Variants in MIPOL1 observed in about 807,000 individuals in gnomAD.
MIPOL1 encodes mirror-image polydactyly gene 1 protein.
In MIPOL1, 57 loss-of-function variants were observed where a neutral mutation model predicts 60.9. The observed-to-expected ratio is 0.94, with a 90% CI of 0.76 to 1.17. MIPOL1 has a LOEUF of 1.17. Among genes scored for constraint, MIPOL1 ranks in the 50% most tolerant of loss-of-function variants. The pLI is 0.00. For missense variants in MIPOL1, 551 were observed against 511.6 expected (o/e 1.08, Z -0.74); for synonymous variants, 179 against 168.8 (o/e 1.06, Z -0.47).
At chr14:37,290,955 CAT>C (rs1364838785) in intron 7 of MIPOL1, among the ~76,000 whole-genome samples, 29 of 152,236 alleles carry the variant, frequency 1.9e-4, no homozygotes, top group African/African-American at 1.9e-4. Context: ...TGAGTGATAA[CAT>C]GTGGTATTTA....
At chr14:37,267,858 T>C (rs189248854) in intron 4 of MIPOL1, among the ~76,000 whole-genome samples, 263 of 152,258 alleles carry the variant, frequency 1.7e-3, no homozygotes, top group Non-Finnish European at 3.2e-3. Flanking sequence ...TTGGTTTGGG[T>C]TAGCGCTATT....
chr14:37,379,924 T>C (rs928523541), intron 10 of MIPOL1, among the ~76,000 whole-genome samples: 1 of 152,114 alleles, frequency 6.6e-6, no homozygotes, highest in African/African-American at 2.4e-5. Flanking sequence ...AACCATTCTC[T>C]TTCTATAAGA....
intron 1 of MIPOL1, among the ~76,000 whole-genome samples, chr14:37,245,263 A>G (rs1004591440): frequency 6.6e-6 from 1 of 152,176 alleles, no homozygotes; most frequent in East Asian, 1.9e-4. Context: ...AAAATTCTCT[A>G]TTAGAACTTT....
At chr14:37,404,768 T>G (rs1199263143) in intron 10 of MIPOL1, among the ~76,000 whole-genome samples, 1 of 152,182 alleles carries the variant, frequency 6.6e-6, no homozygotes, top group Non-Finnish European at 1.5e-5. Context: ...AGATAATTAC[T>G]GCAGAGCAGC....
chr14:37,240,717 T>G (rs1594680071), intron 1 of MIPOL1: 1 of 152,244 alleles, frequency 6.6e-6, no homozygotes, highest in East Asian at 1.9e-4. Flanking sequence ...CAATTTTGCT[T>G]TTTATCAGTA....
At chr14:37,288,160 T>G (rs1443469956) in intron 7 of MIPOL1, among the ~76,000 whole-genome samples, 4 of 149,496 alleles carry the variant, frequency 2.7e-5, no homozygotes, top group South Asian at 2.1e-4. Context: ...GTTTTTGAGG[T>G]TTTTTTTGGT....
At chr14:37,321,979 G>T (rs557353606) in intron 9 of MIPOL1, among the ~76,000 whole-genome samples, 1 of 151,874 alleles carries the variant, frequency 6.6e-6, no homozygotes, top group African/African-American at 2.4e-5. Flanking sequence ...TACAGTGAAC[G>T]TTTATATATA....
chr14:37,317,821 A>T (rs1243979661), intron 9 of MIPOL1, among the ~76,000 whole-genome samples: 2 of 152,182 alleles, frequency 1.3e-5, no homozygotes, highest in East Asian at 3.8e-4. Flanking sequence ...TTGTATAGGA[A>T]AAAATCCCTA....
chr14:37,324,475 G>T (rs956515531), intron 9 of MIPOL1, among the ~76,000 whole-genome samples: 7 of 151,970 alleles, frequency 4.6e-5, no homozygotes, highest in African/African-American at 1.7e-4. Context: ...GATGAAGTCC[G>T]TTGTCAGATA....
intron 9 of MIPOL1, among the ~76,000 whole-genome samples, chr14:37,330,288 T>C (rs1461918137): frequency 6.6e-6 from 1 of 152,136 alleles, no homozygotes; most frequent in Non-Finnish European, 1.5e-5. Context: ...TTATTGACTT[T>C]GAAGAGGAAG....
intron 10 of MIPOL1, among the ~76,000 whole-genome samples, chr14:37,377,964 A>C (rs1017815600): frequency 8.6e-5 from 13 of 151,974 alleles, no homozygotes; most frequent in African/African-American, 2.4e-4. Flanking sequence ...ATCTTTAAAA[A>C]TTTACAAGTT....
chr14:37,286,388 G>T (rs892004731), intron 7 of MIPOL1, among the ~76,000 whole-genome samples: 11 of 152,112 alleles, frequency 7.2e-5, no homozygotes, highest in African/African-American at 2.7e-4. Context: ...GCCTGGGTTG[G>T]GACTGGAGAT....
rs150767607 is a variant in MIPOL1 at position 37,348,320 on chromosome 14, A to G, written c.829-21197A>G. ...CCTGGAAGGAAAACTAGATGGTTTGATAAAGGATTTCTACTGATTATTCTA... is the reference window on the plus strand; with the variant it reads ...CCTGGAAGGAAAACTAGATGGTTTGGTAAAGGATTTCTACTGATTATTCTA... On this transcript the variant is annotated intron_variant, in intron 9 of 12. Transcript: ENST00000684589. 4.5e-4 allele frequency among the ~76,000 whole-genome samples: 68 copies of G among 152,332 alleles called. No individual in the cohort carries two copies. In the East Asian group the frequency reaches 0.013, roughly 29 times the overall value.
chr14:37,358,000 C>T (rs935216365), intron 9 of MIPOL1, among the ~76,000 whole-genome samples: 1 of 151,676 alleles, frequency 6.6e-6, no homozygotes, highest in Non-Finnish European at 1.5e-5. Flanking sequence ...GCTTCCTGCC[C>T]CCTGAGAGGC....
intron 1 of MIPOL1, among the ~76,000 whole-genome samples, chr14:37,231,381 C>A (rs570967386): frequency 3.3e-4 from 50 of 152,266 alleles, no homozygotes; most frequent in Non-Finnish European, 6.8e-4. Context: ...AGCCACTGTG[C>A]CCAGCTAATA....
intron 7 of MIPOL1, among the ~76,000 whole-genome samples, chr14:37,285,716 CAAGTAGCTGG>C (rs1360075977): frequency 2.0e-5 from 3 of 151,910 alleles, no homozygotes; most frequent in African/African-American, 7.3e-5. Context: ...CGCAGCCTCC[CAAGTAGCTGG>C]GACTACAGGC....
At chr14:37,199,815 G>C (rs1964935445) in intron 1 of MIPOL1, among the ~76,000 whole-genome samples, 1 of 152,192 alleles carries the variant, frequency 6.6e-6, no homozygotes, top group Non-Finnish European at 1.5e-5. Context: ...GTGAACCATC[G>C]CGCCTGGCCA....
chr14:37,262,492 G>A (rs1323533564), intron 3 of MIPOL1, among the ~76,000 whole-genome samples: 2 of 151,976 alleles, frequency 1.3e-5, no homozygotes, highest in African/African-American at 2.4e-5. Context: ...TAAAGCATGC[G>A]ATTTGGTTCT....
rs531567281 is a variant in MIPOL1 at position 37,243,888 on chromosome 14, T to C, written c.-198-3215T>C. Among the ~76,000 whole-genome samples, 52 of 152,236 alleles carry C rather than the reference T, an allele frequency of 3.4e-4. 2 individuals carry two copies. The South Asian group carries it at 7.7e-3, about 22-fold the overall frequency. ...TGGTCAAAGAACAAATTTTGTTTCA[T>C]GAAGTGTTTTAATGCTGAGTAAATA... On this transcript the variant is annotated intron_variant, in intron 1 of 12. Coordinates refer to ENST00000684589, the MANE Select transcript of MIPOL1 (RefSeq NM_001388067.1).
Sources: allele counts gnomAD v4.1 joint callset (sites outside exome capture counted in the v4.1 genomes callset), GRCh38; gene constraint gnomAD v4.1.1; transcripts MANE v1.5; gene names NCBI Gene and HGNC (gene_info 2026-07-23, HGNC 2026-07-21).